MAP7: variants seen among roughly 807,000 people sequenced by gnomAD.
MAP7 encodes the protein ensconsin.
MAP7 carries 52 observed loss-of-function variants against 94.8 expected under a neutral mutation model. That is an observed-to-expected ratio of 0.55 (90% confidence interval 0.44 to 0.69). The LOEUF (loss-of-function observed/expected upper bound fraction) is 0.69. Ranked by LOEUF, MAP7 falls within the 30% of genes least tolerant of loss-of-function variation. The probability of loss-of-function intolerance (pLI) is 0.00; values close to 1 mark genes in which losing one functional copy is unlikely to be tolerated. For synonymous variants in MAP7, 350 were observed against 357.0 expected (o/e 0.98, Z 0.22); for missense variants, 940 against 964.6 (o/e 0.97, Z 0.34).
At chr6:136,378,837 A>T (rs928042799) in intron 6 of MAP7, among the ~76,000 whole-genome samples, 2 of 152,192 alleles carry the variant, frequency 1.3e-5, no homozygotes, top group Admixed American at 1.3e-4. Flanking sequence ...TACAAATATC[A>T]CTGAAGTGAT....
chr6:136,376,737 G>C (rs1315843395), intron 7 of MAP7, among the ~76,000 whole-genome samples: 1 of 152,222 alleles, frequency 6.6e-6, no homozygotes, highest in Admixed American at 6.5e-5. Flanking sequence ...TTCATAAGAA[G>C]GTTGTGGGAA....
intron 1 of MAP7, among the ~76,000 whole-genome samples, chr6:136,428,910 C>T (rs963471257): frequency 3.5e-4 from 54 of 152,254 alleles, no homozygotes; most frequent in African/African-American, 1.2e-3. Flanking sequence ...GTAGACGTGA[C>T]CTTGATCTGA....
rs1185920370 is a variant in MAP7 at position 136,544,790 on chromosome 6, TTTCTCCCACCAAAACCTGA to T, written c.67+5533_67+5551del. On this transcript the variant is annotated intron_variant, in intron 1 of 17. Coordinates refer to ENST00000354570, the MANE Select transcript of MAP7 (RefSeq NM_003980.6). ...CTAAAGCAGAGAGGTTTTTTTCCTG[TTTCTCCCACCAAAACCTGA>T]TTCTGCTGGACACAGTGGTGCATGC... is the stretch of plus-strand genomic sequence containing the variant. Among the ~76,000 whole-genome samples the T allele has an allele frequency of 8.1e-4, 124 of 152,282 alleles. 1 individual carries two copies. Among genetic ancestry groups the T allele is most frequent in the African/African-American group, 2.7e-3 (114 of 41,550 alleles).
intron 1 of MAP7, among the ~76,000 whole-genome samples, chr6:136,505,658 A>T (rs896513569): frequency 1.3e-5 from 2 of 152,072 alleles, no homozygotes; most frequent in African/African-American, 2.4e-5. Flanking sequence ...GGACAAGAGG[A>T]TCCAGAAACA....
chr6:136,388,303 G>T, intron 5 of MAP7, 90 bp downstream of exon 5: 1 of 948,266 alleles, frequency 1.1e-6, no homozygotes. Flanking sequence ...CAGGATTTTT[G>T]TTTCGCAAAC....
intron 3 of MAP7, among the ~76,000 whole-genome samples, chr6:136,401,638 G>A (rs934108839): frequency 2.0e-5 from 3 of 152,066 alleles, no homozygotes; most frequent in Non-Finnish European, 4.4e-5. Flanking sequence ...TCGTGGGGTG[G>A]GAGGAGGGGA....
chr6:136,424,325 T>C (rs1002732954), intron 1 of MAP7, among the ~76,000 whole-genome samples: 2 of 48,316 alleles, frequency 4.1e-5, no homozygotes, highest in Non-Finnish European at 9.5e-5. Context: ...TCTTCTTTCA[T>C]TTAAAAAAAA....
chr6:136,445,321 C>A (rs1422986808), intron 1 of MAP7, among the ~76,000 whole-genome samples: 1 of 152,134 alleles, frequency 6.6e-6, no homozygotes, highest in Non-Finnish European at 1.5e-5. Flanking sequence ...TGAAGAAACC[C>A]TTATCTTCCA....
intron 1 of MAP7, among the ~76,000 whole-genome samples, chr6:136,508,567 C>T (rs1583099060): frequency 6.6e-6 from 1 of 152,168 alleles, no homozygotes; most frequent in South Asian, 2.1e-4. Flanking sequence ...GATATACCTG[C>T]TATGACTTCA....
chr6:136,391,691 T>C (rs1780815444), intron 3 of MAP7, among the ~76,000 whole-genome samples: 1 of 144,662 alleles, frequency 6.9e-6, no homozygotes, highest in African/African-American at 2.6e-5. Context: ...AAAAAGCATA[T>C]AGTATACACA....
chr6:136,458,717 G>T (rs1194405806), intron 1 of MAP7, among the ~76,000 whole-genome samples: 2 of 152,066 alleles, frequency 1.3e-5, no homozygotes, highest in African/African-American at 2.4e-5. Context: ...ATATCCGCAT[G>T]CTTAAGGAAG....
chr6:136,389,339 C>T lies in MAP7; in HGVS notation c.408+15G>A, dbSNP rs200037303. The T allele has an allele frequency of 1.3e-5, 19 of 1,519,412 alleles. No homozygotes were observed. In the East Asian group the frequency reaches 1.4e-4, roughly 11 times the overall value. 94.1% of individuals were successfully genotyped at this position (1,519,412 alleles called of 1,614,324 possible). ...CTAGAGGAGCCACTCATATTCTTCC[C>T]GGGGGGCGGCTCACTTTGTCCTCCT... On this transcript the variant is annotated intron_variant, in intron 4 of 17. Transcript: ENST00000354570.
intron 2 of MAP7, among the ~76,000 whole-genome samples, chr6:136,414,158 C>G (rs1237786314): frequency 1.6e-4 from 23 of 143,238 alleles, no homozygotes; most frequent in Non-Finnish European, 1.0e-4. Flanking sequence ...GAGGCTGAGG[C>G]AGGAGAATGG....
chr6:136,525,862 G>C (rs1403058491), intron 1 of MAP7: 13 of 1,535,494 alleles, frequency 8.5e-6, no homozygotes, highest in Non-Finnish European at 1.0e-5. Context: ...CCATTCTTTT[G>C]CTGTTCGTCT....
chr6:136,540,085 A>C (rs964242268), intron 1 of MAP7, among the ~76,000 whole-genome samples: 1 of 152,304 alleles, frequency 6.6e-6, no homozygotes, highest in East Asian at 1.9e-4. Context: ...TGAGAAAAAA[A>C]TGCACATTAA....
rs1202167230 is a variant in MAP7, at chr6:136,480,632, A to G, written c.68-58833T>C. 3.2e-5 allele frequency among the ~76,000 whole-genome samples: 4 copies of G among 124,802 alleles called. 1 individual carries two copies. Among genetic ancestry groups the G allele is most frequent in the African/African-American group, 1.2e-4 (4 of 32,760 alleles). The allele number at this position is 124,802 out of a possible 152,430, so 81.9% of individuals were successfully genotyped here. ...ACTCCAGCCTGGGTGACAGAGTGAG[A>G]CTCTGCCTCAAAAAAAAAAAAAAAA... On this transcript the variant is annotated intron_variant, in intron 1 of 17. Coordinates refer to ENST00000354570, the MANE Select transcript of MAP7 (RefSeq NM_003980.6).
chr6:136,430,081 G>T (rs550631171), intron 1 of MAP7, among the ~76,000 whole-genome samples: 2 of 152,278 alleles, frequency 1.3e-5, no homozygotes, highest in African/African-American at 4.8e-5. Context: ...AGAGACTGTA[G>T]TTATCCATCT....
chr6:136,434,167 C>T (rs973388251), intron 1 of MAP7, among the ~76,000 whole-genome samples: 2 of 151,844 alleles, frequency 1.3e-5, no homozygotes, highest in African/African-American at 4.8e-5. Flanking sequence ...ATTAGCCGGG[C>T]GTGGTGGTGG....
intron 3 of MAP7, among the ~76,000 whole-genome samples, chr6:136,405,651 T>C (rs1163400690): frequency 3.3e-5 from 5 of 152,318 alleles, no homozygotes; most frequent in Non-Finnish European, 7.3e-5. Context: ...GCAGGCCATA[T>C]TGCAAGTGGG....
Sources: allele counts gnomAD v4.1 joint callset (sites outside exome capture counted in the v4.1 genomes callset), GRCh38; gene constraint gnomAD v4.1.1; transcripts MANE v1.5; gene names NCBI Gene and HGNC (gene_info 2026-07-23, HGNC 2026-07-21).